The following AGO2 variants were observed in gnomAD, a reference collection of about 807,000 sequenced individuals.
The protein encoded by AGO2 is protein argonaute-2.
A neutral mutation model predicts 102.3 loss-of-function variants in AGO2; 5 were observed. The ratio of observed to expected loss-of-function variants is 0.05; its 90% CI spans 0.03 to 0.10. The LOEUF (loss-of-function observed/expected upper bound fraction) is 0.10. AGO2 is among the 10% of genes least tolerant of loss of function. The pLI, the probability that AGO2 is intolerant of heterozygous loss-of-function variation, is 1.00. For missense variants in AGO2, 541 were observed against 1,183.7 expected, an observed-to-expected ratio of 0.46 and a Z score of 7.97; for synonymous variants, 449 against 473.1, an observed-to-expected ratio of 0.95 and a Z score of 0.66.
In AGO2 at chr8:140,535,613, C is replaced by G. The variant is rs761165623; in HGVS notation, c.2170-44G>C. 1.2e-5 allele frequency: 19 copies of G among 1,600,868 alleles called. No homozygotes were observed. The South Asian group carries it at 2.1e-4, about 18-fold the overall frequency. On this transcript the variant is annotated intron_variant, in intron 16 of 18. Coordinates refer to ENST00000220592, the MANE Select transcript of AGO2 (RefSeq NM_012154.5). The stretch of plus-strand genomic sequence containing the variant: ...CTCGTTAGACACGGCCAGGGACCGG[C>G]AGAGCCAAGCAGGCGGGCCAGGCAG...
intron 1 of AGO2, among the ~76,000 whole-genome samples, chr8:140,585,687 A>G (rs2073645465): frequency 6.6e-6 from 1 of 152,238 alleles, no homozygotes; most frequent in Admixed American, 6.5e-5. Context: ...TTTACTATGC[A>G]TAAGCGGCAG....
At chr8:140,619,084 C>T (rs2074180749) in intron 1 of AGO2, among the ~76,000 whole-genome samples, 1 of 151,838 alleles carries the variant, frequency 6.6e-6, no homozygotes, top group South Asian at 2.1e-4. Context: ...ATCCTGGTGG[C>T]AGCCGCGGCC....
intron 2 of AGO2, among the ~76,000 whole-genome samples, chr8:140,581,222 G>A (rs539921196): frequency 6.6e-6 from 1 of 152,340 alleles, no homozygotes; most frequent in South Asian, 2.1e-4. Flanking sequence ...GGGCAACATG[G>A]TGAAACCCTG....
intron 6 of AGO2, among the ~76,000 whole-genome samples, chr8:140,559,079 G>GTA (rs2073152784): frequency 6.6e-6 from 1 of 151,850 alleles, no homozygotes; most frequent in African/African-American, 2.4e-5. Flanking sequence ...AAAAGAAAAC[G>GTA]CATCCTAGGT....
rs140093513 is a variant in AGO2 at position 140,541,317 on chromosome 8, G to A, written c.1881C>T (p.Ala627=). 4.1e-5 allele frequency: 66 copies of A among 1,612,620 alleles called. No individual in the cohort carries two copies. The African/African-American group carries it at 8.7e-4, about 21-fold the overall frequency. The change falls in exon 15 of 19, where the codon GCC becomes GCT. Residue 627 remains alanine, a synonymous_variant. Transcript: ENST00000220592. The part of the protein sequence containing the change: ...SMDAHPNRYC[A]TVRVQQHRQE... The stretch of plus-strand genomic sequence containing the variant: ...GCCGGTGCTGCTGCACGCGCACGGT[G>A]GCGCAGTAGCGATTGGGGTGGGCGT...
rs538538060 is a variant in AGO2, at chr8:140,523,792, T to C, written c.*8252A>G. On this transcript the variant is annotated 3_prime_UTR_variant, in exon 19 of 19. Coordinates refer to ENST00000220592, the MANE Select transcript of AGO2 (RefSeq NM_012154.5). ...AGCCACAGTGCTCCCTCTGCAGCCG[T>C]TGCCTCTGTGGAGGGAGAGGCCATT... 6.6e-6 allele frequency: 1 copy of C among 152,330 alleles called. No individual in the cohort carries two copies. Among genetic ancestry groups the C allele is most frequent in the South Asian group, 2.1e-4 (1 of 4,828 alleles). 9.4% of individuals were successfully genotyped at this position (152,330 alleles called of 1,614,324 possible).
chr8:140,552,097 G>A (rs1274103420), intron 10 of AGO2, among the ~76,000 whole-genome samples: 1 of 152,152 alleles, frequency 6.6e-6, no homozygotes, highest in African/African-American at 2.4e-5. Context: ...CATGCTACAG[G>A]CCTTGCCATG....
chr8:140,569,676 C>A (rs995915047), intron 3 of AGO2, among the ~76,000 whole-genome samples: 2 of 152,154 alleles, frequency 1.3e-5, no homozygotes, highest in African/African-American at 2.4e-5. Context: ...GAGTTCAACC[C>A]AAAATGCTGA....
At chr8:140,559,634 C>A in intron 5 of AGO2, 105 bp from the exon 6 acceptor site, 1 of 1,479,024 alleles carries the variant, frequency 6.8e-7, no homozygotes, top group Non-Finnish European at 9.1e-7. Context: ...ATGGTGGGGA[C>A]ACCCGGCCGG....
At chr8:140,592,272 G>A (rs953349803) in intron 1 of AGO2, 2 of 152,240 alleles carry the variant, frequency 1.3e-5, no homozygotes, top group Non-Finnish European at 2.9e-5. Flanking sequence ...AGACCCGCAC[G>A]CTGGTCCAGG....
chr8:140,597,480 C>CCCCCCCCCCG (rs2073864620), intron 1 of AGO2, among the ~76,000 whole-genome samples: 5 of 132,120 alleles, frequency 3.8e-5, no homozygotes, highest in African/African-American at 5.5e-5. Flanking sequence ...CCCCACCCCC[C>CCCCCCCCCCG]CCCCCCCGCC....
chr8:140,581,120 G>T (rs1318455288), intron 2 of AGO2, among the ~76,000 whole-genome samples: 2 of 152,238 alleles, frequency 1.3e-5, no homozygotes, highest in African/African-American at 4.8e-5. Context: ...CAGAAAATGT[G>T]GGCCAGGCAC....
chr8:140,594,488 T>G (rs1382109474), intron 1 of AGO2, among the ~76,000 whole-genome samples: 1 of 152,042 alleles, frequency 6.6e-6, no homozygotes, highest in Non-Finnish European at 1.5e-5. Context: ...AAAAAGAGGT[T>G]GCAAAAGGAT....
intron 1 of AGO2, among the ~76,000 whole-genome samples, chr8:140,629,322 G>T (rs1014855683): frequency 9.2e-5 from 14 of 152,106 alleles, no homozygotes; most frequent in Admixed American, 7.9e-4. Flanking sequence ...AAGGATTCGT[G>T]GGGAATGTGC....
At chr8:140,597,293 T>C (rs2073859575) in intron 1 of AGO2, among the ~76,000 whole-genome samples, 1 of 152,210 alleles carries the variant, frequency 6.6e-6, no homozygotes, top group African/African-American at 2.4e-5. Flanking sequence ...GGGATTCCAA[T>C]TCCCAGAGCC....
At chr8:140,562,747 G>A (rs2073223871) in intron 3 of AGO2, 113 bp from the exon 4 acceptor site, 3 of 1,272,498 alleles carry the variant, frequency 2.4e-6, no homozygotes, top group African/African-American at 3.0e-5. Context: ...CCCCGCCCAG[G>A]CCTCTAGCCA....
intron 4 of AGO2, among the ~76,000 whole-genome samples, chr8:140,560,832 C>G (rs2073186938): frequency 6.6e-6 from 1 of 152,218 alleles, no homozygotes; most frequent in South Asian, 2.1e-4. Context: ...CTTTGCCTCG[C>G]CTTACTGTCC....
intron 2 of AGO2, among the ~76,000 whole-genome samples, chr8:140,573,709 G>C (rs1392486425): frequency 6.6e-6 from 1 of 152,230 alleles, no homozygotes; most frequent in East Asian, 1.9e-4. Flanking sequence ...GAGAAGAACA[G>C]AGCTTGTGAC....
chr8:140,564,732 C>T (rs2073252785), intron 3 of AGO2, among the ~76,000 whole-genome samples: 1 of 151,184 alleles, frequency 6.6e-6, no homozygotes, highest in Admixed American at 6.6e-5. Context: ...CACCTAAGGT[C>T]AGGAGTTCAA....
Sources: gnomAD v4.1 joint callset for allele counts (sites outside exome capture counted in the v4.1 genomes callset) on GRCh38, gnomAD v4.1.1 for gene constraint, MANE v1.5 for transcripts, NCBI Gene and HGNC (gene_info 2026-07-23, HGNC 2026-07-21) for gene names.